AKR1C8: variants seen among roughly 807,000 people sequenced by gnomAD.
AKR1C8 encodes the protein aldo-keto reductase family 1 member C8.
At chr10:5,176,187 T>C in the AKR1C8 span, among the ~76,000 whole-genome samples, 1 of 149,534 alleles carries the variant, frequency 6.7e-6, no homozygotes, top group Non-Finnish European at 1.5e-5. Context: ...GTTTCAGCTT[T>C]CTACATATGG....
At chr10:5,122,199 T>C in the AKR1C8 span, 1 of 331,020 alleles carries the variant, frequency 3.0e-6, no homozygotes, top group Non-Finnish European at 6.2e-6. Flanking sequence ...CATTCACCTT[T>C]CCCAGGACAG....
At chr10:5,151,080 C>G in the AKR1C8 span, among the ~76,000 whole-genome samples, 1 of 152,042 alleles carries the variant, frequency 6.6e-6, no homozygotes, top group Admixed American at 6.6e-5. Flanking sequence ...TGAAGCTGTC[C>G]TCTTGCACTG....
the AKR1C8 span, among the ~76,000 whole-genome samples, chr10:5,166,606 TC>T: frequency 1.3e-5 from 2 of 152,134 alleles, no homozygotes; most frequent in Non-Finnish European, 2.9e-5. Flanking sequence ...TGAAACTGGA[TC>T]CCTTCCTTAC....
the AKR1C8 span, among the ~76,000 whole-genome samples, chr10:5,139,267 C>T: frequency 6.6e-6 from 1 of 152,192 alleles, no homozygotes; most frequent in Admixed American, 6.5e-5. Context: ...ATCAAACTAC[C>T]AATGACTTTC....
the AKR1C8 span, among the ~76,000 whole-genome samples, chr10:5,139,965 C>A: frequency 6.6e-6 from 1 of 152,098 alleles, no homozygotes; most frequent in Non-Finnish European, 1.5e-5. Flanking sequence ...AATCAAACAA[C>A]CTCATCAAAA....
At chr10:5,161,965 G>T in the AKR1C8 span, 1 of 529,578 alleles carries the variant, frequency 1.9e-6, no homozygotes, top group Non-Finnish European at 3.9e-6. Flanking sequence ...AAAGAAAGTA[G>T]CCCAAAGCTG....
chr10:5,144,482 G>C, the AKR1C8 span, among the ~76,000 whole-genome samples: 2,752 of 151,556 alleles, frequency 0.018, 75 homozygotes, highest in African/African-American at 0.061. Context: ...CCATTTTCAC[G>C]ATATTGATTC....
chr10:5,136,913 G>A, the AKR1C8 span, among the ~76,000 whole-genome samples: 1 of 151,946 alleles, frequency 6.6e-6, no homozygotes, highest in African/African-American at 2.4e-5. Context: ...TAAAACACAG[G>A]CATATTTTAT....
the AKR1C8 span, chr10:5,132,644 T>A: frequency 1.9e-6 from 3 of 1,591,704 alleles, no homozygotes; most frequent in Non-Finnish European, 2.6e-6. Flanking sequence ...CACTGTCATC[T>A]GCAATCTTGC....
At chr10:5,147,040 G>A in the AKR1C8 span, among the ~76,000 whole-genome samples, 210 of 152,252 alleles carry the variant, frequency 1.4e-3, 1 homozygote, top group African/African-American at 4.9e-3. Context: ...CAAGAAGCAT[G>A]GCACTGGTAT....
chr10:5,147,105 C>T, the AKR1C8 span, among the ~76,000 whole-genome samples: 3 of 152,062 alleles, frequency 2.0e-5, no homozygotes, highest in African/African-American at 4.8e-5. Flanking sequence ...CAAAAGGAGA[C>T]GTGGAGTTAG....
the AKR1C8 span, chr10:5,160,869 T>C: frequency 2.1e-6 from 1 of 471,152 alleles, no homozygotes; most frequent in African/African-American, 2.0e-5. Context: ...TGGCATCCTT[T>C]GGCAGTAATT....
At chr10:5,143,473 T>C in the AKR1C8 span, among the ~76,000 whole-genome samples, 2 of 152,106 alleles carry the variant, frequency 1.3e-5, no homozygotes, top group Non-Finnish European at 2.9e-5. Flanking sequence ...GCCTTCACAG[T>C]TGGAATTGGC....
At chr10:5,168,408 C>A in the AKR1C8 span, among the ~76,000 whole-genome samples, 1 of 152,012 alleles carries the variant, frequency 6.6e-6, no homozygotes, top group African/African-American at 2.4e-5. Context: ...TCCTCCAGTT[C>A]TACCACCCAA....
chr10:5,135,964 A>C, the AKR1C8 span, among the ~76,000 whole-genome samples: 1 of 152,178 alleles, frequency 6.6e-6, no homozygotes, highest in South Asian at 2.1e-4. Flanking sequence ...CAAAGGAAAA[A>C]GAAAATGCAG....
chr10:5,180,171 T>G, the AKR1C8 span, among the ~76,000 whole-genome samples: 5 of 152,340 alleles, frequency 3.3e-5, no homozygotes, highest in South Asian at 1.0e-3. Context: ...GTCCTTTCTT[T>G]TTGTTAGTTT....
At chr10:5,124,680 ATCATTATGTGG>A in the AKR1C8 span, among the ~76,000 whole-genome samples, 1 of 152,260 alleles carries the variant, frequency 6.6e-6, no homozygotes, top group Middle Eastern at 3.4e-3. Context: ...TATATACTCA[ATCATTATGTGG>A]AAATATGTTG....
the AKR1C8 span, among the ~76,000 whole-genome samples, chr10:5,169,908 A>T: frequency 6.6e-6 from 1 of 152,018 alleles, no homozygotes. Flanking sequence ...TCAGCTTAAG[A>T]TTTCTTATTT....
the AKR1C8 span, among the ~76,000 whole-genome samples, chr10:5,135,508 AATCTATCTATCT>A: frequency 7.9e-5 from 12 of 151,540 alleles, no homozygotes; most frequent in African/African-American, 2.2e-4. Flanking sequence ...TTCCATCTGG[AATCTATCTATCT>A]ATCTATCTAT....
Sources: gnomAD v4.1 joint callset for allele counts (sites outside exome capture counted in the v4.1 genomes callset) on GRCh38, gnomAD v4.1.1 for gene constraint, MANE v1.5 for transcripts, NCBI Gene and HGNC (gene_info 2026-07-23, HGNC 2026-07-21) for gene names.